The following CSMD3 variants were observed in gnomAD, a reference collection of about 807,000 sequenced individuals.
The protein encoded by CSMD3 is CUB and sushi domain-containing protein 3.
In CSMD3, 177 loss-of-function variants were observed where a neutral mutation model predicts 435.2. The observed-to-expected ratio is 0.41, with a 90% CI of 0.36 to 0.46. The LOEUF is 0.46. CSMD3 is among the 20% of genes least tolerant of loss of function. CSMD3 has a pLI of 0.34. For missense variants in CSMD3, 4,265 were observed against 4,504.6 expected, an observed-to-expected ratio of 0.95 and a Z score of 1.52; for synonymous variants, 1,656 against 1,520.5, an observed-to-expected ratio of 1.09 and a Z score of -2.07.
At chr8:113,413,013 T>A (rs566138310) in intron 1 of CSMD3, among the ~76,000 whole-genome samples, 28 of 152,250 alleles carry the variant, frequency 1.8e-4, no homozygotes, top group Non-Finnish European at 3.4e-4. Flanking sequence ...ATAAATTAGC[T>A]ATCTCCAAAT....
intron 32 of CSMD3, among the ~76,000 whole-genome samples, chr8:112,427,929 T>C (rs1310655765): frequency 2.0e-5 from 3 of 152,198 alleles, no homozygotes; most frequent in South Asian, 2.1e-4. Flanking sequence ...TCCACACTTT[T>C]ATGGAAGTGA....
intron 13 of CSMD3, among the ~76,000 whole-genome samples, chr8:112,717,829 T>G (rs919902840): frequency 3.3e-5 from 5 of 151,852 alleles, no homozygotes; most frequent in African/African-American, 7.3e-5. Context: ...ACCAAACACC[T>G]CATGTTCTCA....
chr8:112,747,955 T>G (rs1279969258), intron 13 of CSMD3, among the ~76,000 whole-genome samples: 1 of 85,096 alleles, frequency 1.2e-5, no homozygotes, highest in Non-Finnish European at 2.0e-5. Context: ...AGAACAAGAC[T>G]CCGTCTCAAA....
intron 1 of CSMD3, among the ~76,000 whole-genome samples, chr8:113,391,293 CTAAG>C (rs930726808): frequency 1.1e-4 from 17 of 152,074 alleles, no homozygotes; most frequent in South Asian, 6.2e-4. Context: ...GTCAGATACT[CTAAG>C]TGTTTCTCAA....
rs2084311253 is a variant in CSMD3, at chr8:112,963,549, T to C, written c.1343-8788A>G. 2.6e-5 allele frequency among the ~76,000 whole-genome samples: 4 copies of C among 152,058 alleles called. No homozygotes were observed. In the South Asian group the frequency reaches 8.3e-4, roughly 31 times the overall value. Reference sequence around the variant, plus strand: ...CTGTTGCTCATCATCCTACCATTGGTTGTTCACTCATTTCTTAGAAAATGT... The same window carrying C: ...CTGTTGCTCATCATCCTACCATTGGCTGTTCACTCATTTCTTAGAAAATGT... On this transcript the variant is annotated intron_variant, in intron 7 of 70. Transcript: ENST00000297405.
In CSMD3 at chr8:113,117,419, G is replaced by T. The variant is rs1364929797; in HGVS notation, c.710-18456C>A. Among the ~76,000 whole-genome samples, 7 of 152,324 alleles carry T rather than the reference G, an allele frequency of 4.6e-5. No homozygotes were observed. In the South Asian group the frequency reaches 1.2e-3, roughly 27 times the overall value. On this transcript the variant is annotated intron_variant, in intron 4 of 70. Coordinates refer to ENST00000297405, the MANE Select transcript of CSMD3 (RefSeq NM_198123.2). ...GGAACCTCAGCCTAGATTTCAGAGG[G>T]TATATGGCAACACCTGGATGTCCAG...
chr8:112,997,862 GTATATA>G lies in CSMD3; in HGVS notation c.1030+21199_1030+21204del, dbSNP rs35783145. Among the ~76,000 whole-genome samples, 988 of 145,762 alleles carry G rather than the reference GTATATA, an allele frequency of 6.8e-3. 12 individuals are homozygous for G. Among genetic ancestry groups the G allele is most frequent in the African/African-American group, 0.024 (948 of 40,014 alleles). ...CGTATGTATGTACATGTATATGTGT[GTATATA>G]TATATATATATACATATATATATAG... is the stretch of plus-strand genomic sequence containing the variant. On this transcript the variant is annotated intron_variant, in intron 6 of 70. Coordinates refer to ENST00000297405, the MANE Select transcript of CSMD3 (RefSeq NM_198123.2).
At chr8:112,616,345 G>A (rs1389846480) in intron 22 of CSMD3, among the ~76,000 whole-genome samples, 3 of 152,000 alleles carry the variant, frequency 2.0e-5, no homozygotes, top group African/African-American at 4.8e-5. Flanking sequence ...TAAAGATAAA[G>A]AAATATATAT....
Position 112,409,016 on chromosome 8 carries a change from A to G in CSMD3, c.5412T>C (p.Phe1804=). The part of the protein sequence containing the change: ...VPKEFVVFGQ[F]VFFQTSLHDV... ...CGTGGAGTGATGTCTGGAAAAATAC[A>G]AACTGGCCAAACACCACTGATCAAC... The change falls in exon 33 of 71, where the codon TTT becomes TTC. Residue 1804 remains phenylalanine, a synonymous_variant. Coordinates refer to ENST00000297405, the MANE Select transcript of CSMD3 (RefSeq NM_198123.2). 5 of 1,613,598 alleles carry G rather than the reference A, an allele frequency of 3.1e-6. No individual in the cohort carries two copies. Among genetic ancestry groups the G allele is most frequent in the Non-Finnish European group, 4.2e-6 (5 of 1,179,644 alleles).
chr8:112,996,105 T>G (rs1272859583), intron 6 of CSMD3, among the ~76,000 whole-genome samples: 1 of 151,536 alleles, frequency 6.6e-6, no homozygotes, highest in African/African-American at 2.4e-5. Context: ...TGTCATTTTA[T>G]GTGGTGAGAA....
intron 7 of CSMD3, among the ~76,000 whole-genome samples, chr8:112,957,434 T>C (rs539397396): frequency 6.6e-6 from 1 of 152,278 alleles, no homozygotes; most frequent in African/African-American, 2.4e-5. Flanking sequence ...AGAAAAAATA[T>C]TTTGTTCATG....
chr8:112,610,336 A>T (rs1281525529), intron 22 of CSMD3, among the ~76,000 whole-genome samples: 5 of 102,704 alleles, frequency 4.9e-5, no homozygotes, highest in Non-Finnish European at 7.4e-5. Flanking sequence ...GCTAAAATTA[A>T]AAAAAAAAAA....
chr8:112,533,771 C>T (rs948584118), intron 27 of CSMD3, among the ~76,000 whole-genome samples: 1 of 152,046 alleles, frequency 6.6e-6, no homozygotes, highest in Non-Finnish European at 1.5e-5. Flanking sequence ...ACCAAATGGA[C>T]CTACTTGACA....
At chr8:112,490,764 A>C (rs1586495855) in intron 31 of CSMD3, among the ~76,000 whole-genome samples, 1 of 152,186 alleles carries the variant, frequency 6.6e-6, no homozygotes, top group Non-Finnish European at 1.5e-5. Context: ...ATTTTTTTCT[A>C]GCTAAATTAG....
chr8:113,433,520 G>A (rs927158912), intron 1 of CSMD3, among the ~76,000 whole-genome samples: 1 of 152,236 alleles, frequency 6.6e-6, no homozygotes, highest in Non-Finnish European at 1.5e-5. Context: ...CTCTGTGGCA[G>A]GAGTAGTATC....
In CSMD3 at chr8:112,287,220, G is replaced by A. The variant is rs2130636763; in HGVS notation, c.9175C>T (p.Pro3059Ser). The A allele has an allele frequency of 5.6e-6, 9 of 1,613,574 alleles. No homozygotes were observed. Among genetic ancestry groups the A allele is most frequent in the South Asian group, 1.1e-5 (1 of 91,076 alleles). The change falls in exon 58 of 71, where the codon CCA becomes TCA. Residue 3059 changes from proline (P) to serine (S), a missense_variant. By Grantham distance (74) the Pro-to-Ser change is moderately conservative. Transcript: ENST00000297405. ...SGDATGTCGD[P>S]GTPGHGSRQE... Reference sequence around the variant, plus strand: ...CTAGAGCCATGGCCGGGAGTACCTGGATCGCCACATGTCCCAGTAGCATCA... The same window carrying A: ...CTAGAGCCATGGCCGGGAGTACCTGAATCGCCACATGTCCCAGTAGCATCA...
chr8:112,480,537 A>G (rs1907802), intron 31 of CSMD3, among the ~76,000 whole-genome samples: 1 of 151,776 alleles, frequency 6.6e-6, no homozygotes, highest in East Asian at 1.9e-4. Context: ...GTCATGGGGG[A>G]AAATCCCTCA....
At chr8:113,136,525 T>TAAGTCACAG (rs2091422843) in intron 4 of CSMD3, among the ~76,000 whole-genome samples, 1 of 151,700 alleles carries the variant, frequency 6.6e-6, no homozygotes, top group Non-Finnish European at 1.5e-5. Flanking sequence ...TTGTCATGTT[T>TAAGTCACAG]AAGTCACAGA....
intron 24 of CSMD3, among the ~76,000 whole-genome samples, chr8:112,564,826 T>G (rs1828940249): frequency 6.6e-6 from 1 of 152,070 alleles, no homozygotes; most frequent in Non-Finnish European, 1.5e-5. Context: ...TATTGATGAA[T>G]TTTTGCTTGT....
Sources: gnomAD v4.1 joint callset for allele counts (sites outside exome capture counted in the v4.1 genomes callset) on GRCh38, gnomAD v4.1.1 for gene constraint, MANE v1.5 for transcripts, NCBI Gene and HGNC (gene_info 2026-07-23, HGNC 2026-07-21) for gene names.